The following ADAM23 variants were observed in gnomAD, a reference collection of about 807,000 sequenced individuals.
ADAM23 encodes disintegrin and metalloproteinase domain-containing protein 23.
ADAM23 carries 33 observed loss-of-function variants against 120.1 expected under a neutral mutation model. The observed-to-expected ratio is 0.27, with a 90% CI of 0.21 to 0.37. ADAM23 has a LOEUF of 0.37. ADAM23 is among the 10% of genes least tolerant of loss of function. ADAM23 has a pLI of 1.00. For synonymous variants in ADAM23, 367 were observed against 375.2 expected (o/e 0.98, Z 0.25); for missense variants, 862 against 1,058.2 (o/e 0.81, Z 2.57).
chr2:206,558,165 G>A (rs1252796244), intron 10 of ADAM23, among the ~76,000 whole-genome samples: 2 of 151,992 alleles, frequency 1.3e-5, no homozygotes, highest in Non-Finnish European at 2.9e-5. Flanking sequence ...CCTGCCTTAG[G>A]TTAGAACTCT....
At chr2:206,555,074 G>A (rs761800454) in intron 9 of ADAM23, among the ~76,000 whole-genome samples, 2 of 152,084 alleles carry the variant, frequency 1.3e-5, no homozygotes, top group African/African-American at 4.8e-5. Flanking sequence ...CTCTACCTAA[G>A]TAACAACTTG....
intron 24 of ADAM23, among the ~76,000 whole-genome samples, chr2:206,604,735 G>A (rs938880660): frequency 1.3e-5 from 2 of 152,108 alleles, no homozygotes; most frequent in African/African-American, 4.8e-5. Flanking sequence ...ATGTCAGTGA[G>A]CCCAATTGTA....
chr2:206,529,795 A>G (rs951752115), intron 3 of ADAM23, among the ~76,000 whole-genome samples: 5 of 150,440 alleles, frequency 3.3e-5, no homozygotes, highest in African/African-American at 7.3e-5. Context: ...GAATGTTTAT[A>G]TGTGTGTGTG....
intron 18 of ADAM23, among the ~76,000 whole-genome samples, chr2:206,573,882 G>A (rs2105833433): frequency 6.6e-6 from 1 of 152,098 alleles, no homozygotes; most frequent in Non-Finnish European, 1.5e-5. Flanking sequence ...TACGGATAAG[G>A]GGGCATTCTG....
chr2:206,445,288 A>AC lies in ADAM23; in HGVS notation c.215-13dup, dbSNP rs1695056421. The AC allele has an allele frequency of 1.3e-6, 2 of 1,584,778 alleles. No individual in the cohort carries two copies. Among genetic ancestry groups the AC allele is most frequent in the East Asian group, 2.3e-5 (1 of 44,314 alleles). On this transcript the variant is annotated intron_variant, in intron 1 of 25. Transcript: ENST00000264377. The stretch of plus-strand genomic sequence containing the variant: ...GTATGTTTGTATTTTCTGCTCCCCC[A>AC]CCCCCCTACCTCCACCAGCTCCGCA...
At chr2:206,508,031 A>G (rs1167504754) in intron 3 of ADAM23, among the ~76,000 whole-genome samples, 1 of 151,854 alleles carries the variant, frequency 6.6e-6, no homozygotes, top group Non-Finnish European at 1.5e-5. Flanking sequence ...TAAATTGCCT[A>G]GTTCACTTTT....
At chr2:206,557,739 A>T (rs1475615837) in intron 10 of ADAM23, among the ~76,000 whole-genome samples, 1 of 152,164 alleles carries the variant, frequency 6.6e-6, no homozygotes, top group African/African-American at 2.4e-5. Flanking sequence ...TCTATACATT[A>T]TTGCCCCCAG....
chr2:206,554,394 T>G (rs529694635), intron 9 of ADAM23, among the ~76,000 whole-genome samples: 4 of 152,276 alleles, frequency 2.6e-5, no homozygotes, highest in African/African-American at 9.6e-5. Context: ...AATAGAAAAT[T>G]GGTTGAGATT....
intron 9 of ADAM23, among the ~76,000 whole-genome samples, chr2:206,554,796 T>G (rs1186533801): frequency 6.6e-6 from 1 of 152,140 alleles, no homozygotes; most frequent in African/African-American, 2.4e-5. Flanking sequence ...ACACTTACAG[T>G]TTCTACTAAA....
intron 3 of ADAM23, among the ~76,000 whole-genome samples, chr2:206,522,574 A>T (rs1173843229): frequency 6.6e-6 from 1 of 152,184 alleles, no homozygotes; most frequent in African/African-American, 2.4e-5. Context: ...CCAGAAGGCA[A>T]AGCTGATCAT....
At position 206,483,059 on chromosome 2, in the gene ADAM23, G is replaced by T. The variant is rs948166008; in HGVS notation, c.509+1751G>T. 3.3e-5 allele frequency among the ~76,000 whole-genome samples: 5 copies of T among 152,172 alleles called. No individual in the cohort carries two copies. The East Asian group carries it at 7.7e-4, about 23-fold the overall frequency. ...TCTGGTATTTCACGTGTCAGTGCTG[G>T]GCCATTATCCCCTAGACTGAAAAAT... is the stretch of plus-strand genomic sequence containing the variant. On this transcript the variant is annotated intron_variant, in intron 3 of 25. Coordinates refer to ENST00000264377, the MANE Select transcript of ADAM23 (RefSeq NM_003812.4).
chr2:206,546,065 G>A (rs1697390797), intron 6 of ADAM23, among the ~76,000 whole-genome samples: 3 of 152,176 alleles, frequency 2.0e-5, no homozygotes, highest in Admixed American at 2.0e-4. Context: ...TTGTTATAAT[G>A]TTTAAAGCAT....
intron 3 of ADAM23, among the ~76,000 whole-genome samples, chr2:206,505,281 A>G (rs1358098728): frequency 6.6e-6 from 1 of 152,028 alleles, no homozygotes; most frequent in African/African-American, 2.4e-5. Flanking sequence ...AATCACTAAT[A>G]ATCTACACAT....
intron 4 of ADAM23, among the ~76,000 whole-genome samples, chr2:206,535,212 CA>C (rs1027793764): frequency 6.6e-6 from 1 of 152,140 alleles, no homozygotes; most frequent in African/African-American, 2.4e-5. Context: ...TTTGATGTTT[CA>C]ATTCTATGTC....
intron 2 of ADAM23, among the ~76,000 whole-genome samples, chr2:206,476,990 T>A (rs1448326348): frequency 2.0e-5 from 3 of 152,204 alleles, no homozygotes; most frequent in Non-Finnish European, 4.4e-5. Context: ...AATGGCTGCC[T>A]TTTATTTTTA....
chr2:206,486,923 C>T (rs148371092), intron 3 of ADAM23, among the ~76,000 whole-genome samples: 4 of 152,308 alleles, frequency 2.6e-5, no homozygotes, highest in African/African-American at 9.6e-5. Flanking sequence ...GACCGCTAAT[C>T]TACATTCTGT....
Position 206,543,289 on chromosome 2 carries a change from A to G in ADAM23, c.693A>G (p.Ile231Met), listed in dbSNP as rs1016870076. The G allele has an allele frequency of 6.2e-7, 1 of 1,614,110 alleles. No individual in the cohort carries two copies. Among genetic ancestry groups the G allele is most frequent in the Non-Finnish European group, 8.5e-7 (1 of 1,179,974 alleles). ...MFEDDTFVYM[I>M]EPLELVHDEK... The stretch of plus-strand genomic sequence containing the variant: ...AAGATGATACCTTCGTGTATATGAT[A>G]GAGCCACTAGAGCTGGTTCATGATG... The change falls in exon 6 of 26, where the codon ATA becomes ATG. Residue 231 changes from isoleucine to methionine, a missense_variant. Physicochemically the swap from Ile to Met is conservative, Grantham distance 10 (BLOSUM62 1). Coordinates refer to ENST00000264377, the MANE Select transcript of ADAM23 (RefSeq NM_003812.4).
chr2:206,559,821 C>G, intron 10 of ADAM23, 134 bp from the exon 11 acceptor site: 1 of 683,074 alleles, frequency 1.5e-6, no homozygotes, highest in South Asian at 2.8e-5. Context: ...AAAGAAGATT[C>G]TCTATAATGG....
chr2:206,611,740 A>G (rs1167062091), intron 25 of ADAM23, among the ~76,000 whole-genome samples: 1 of 152,240 alleles, frequency 6.6e-6, no homozygotes, highest in East Asian at 1.9e-4. Flanking sequence ...GGCCTAGCTC[A>G]CAGCTTGAAT....
Sources: gnomAD v4.1 joint callset for allele counts (sites outside exome capture counted in the v4.1 genomes callset) on GRCh38, gnomAD v4.1.1 for gene constraint, MANE v1.5 for transcripts, NCBI Gene and HGNC (gene_info 2026-07-23, HGNC 2026-07-21) for gene names.